The following LBR variants were observed in gnomAD, a reference collection of about 807,000 sequenced individuals.
LBR encodes lamin B receptor, also known as delta(14)-sterol reductase LBR.
In LBR, 28 loss-of-function variants were observed where a neutral mutation model predicts 74.3. The observed-to-expected ratio is 0.38, with a 90% CI of 0.28 to 0.52. The LOEUF (loss-of-function observed/expected upper bound fraction) is 0.52, where lower values mean the gene tolerates loss of function less well. Among genes scored for constraint, LBR ranks in the 20% least tolerant of loss-of-function variants. The pLI, the probability that LBR is intolerant of heterozygous loss-of-function variation, is 0.89. For missense variants in LBR, 717 were observed against 760.3 expected (o/e 0.94, Z 0.67); for synonymous variants, 228 against 269.3 (o/e 0.85, Z 1.50).
chr1:225,414,544 G>A (rs1290637362), intron 7 of LBR, among the ~76,000 whole-genome samples: 9 of 152,150 alleles, frequency 5.9e-5, no homozygotes, highest in Admixed American at 3.9e-4. Context: ...GCGAGATGCC[G>A]GACCCACAGG....
intron 8 of LBR, 111 bp from the exon 9 acceptor site, chr1:225,411,551 C>A: frequency 1.3e-6 from 1 of 795,632 alleles, no homozygotes; most frequent in Non-Finnish European, 2.2e-6. Context: ...CTGCAAGACC[C>A]TGAGCAGGGC....
At chr1:225,422,997 A>G (rs1362204207) in intron 2 of LBR, among the ~76,000 whole-genome samples, 1 of 152,236 alleles carries the variant, frequency 6.6e-6, no homozygotes. Flanking sequence ...AGCCGCTCCC[A>G]TAAAGTCTAA....
At position 225,427,981 on chromosome 1, in the gene LBR, A is replaced by T. The variant is rs533606407; in HGVS notation, c.-42T>A. 5.9e-5 allele frequency: 9 copies of T among 152,154 alleles called. No homozygotes were observed. In the East Asian group the frequency reaches 9.7e-4, roughly 16 times the overall value. The allele number at this position is 152,154 out of a possible 1,614,324, so 9.4% of individuals were successfully genotyped here. ...GCGCCAGGTTCCGGCGGTGACACGG[A>T]CGGCTCCCGGAGAATAGTCGCACAG... On this transcript the variant is annotated 5_prime_UTR_variant, in exon 1 of 14. Transcript: ENST00000272163.
rs2096139051 is a variant in LBR at position 225,426,320 on chromosome 1, C to A, written c.-15+1634G>T. Among the ~76,000 whole-genome samples, 6 of 152,338 alleles carry A rather than the reference C, an allele frequency of 3.9e-5. No individual in the cohort carries two copies. The South Asian group carries it at 1.2e-3, about 32-fold the overall frequency. On this transcript the variant is annotated intron_variant, in intron 1 of 13. Transcript: ENST00000272163. ...GCCAGGATGGCACACAAAAGCCCCA[C>A]ATTTGTTCGTGTCACTCACTATGCA...
intron 7 of LBR, 78 bp downstream of exon 7, chr1:225,415,200 C>T: frequency 1.1e-6 from 1 of 949,750 alleles, no homozygotes. Context: ...CTGGTCTAAT[C>T]AGCTTTAACA....
At chr1:225,410,541 C>T in intron 9 of LBR, 125 bp from the exon 10 acceptor site, 2 of 953,334 alleles carry the variant, frequency 2.1e-6, no homozygotes, top group Non-Finnish European at 3.3e-6. Flanking sequence ...CTACCCGCCA[C>T]CAGGAATAAG....
At chr1:225,416,207 A>C (rs557609888) in intron 6 of LBR, among the ~76,000 whole-genome samples, 1 of 149,008 alleles carries the variant, frequency 6.7e-6, no homozygotes, top group Admixed American at 6.7e-5. Flanking sequence ...AAGAAAAAAA[A>C]AAAAAAAGAG....
At chr1:225,407,118 C>T (rs1039545574) in intron 10 of LBR, among the ~76,000 whole-genome samples, 2 of 152,118 alleles carry the variant, frequency 1.3e-5, no homozygotes, top group South Asian at 4.1e-4. Context: ...AACCCCTCCT[C>T]CAACCTCCAC....
intron 8 of LBR, among the ~76,000 whole-genome samples, chr1:225,412,103 C>T (rs1002859836): frequency 3.3e-5 from 5 of 152,226 alleles, no homozygotes; most frequent in African/African-American, 1.2e-4. Context: ...AGCCACCTCA[C>T]CCGGCCAGTA....
chr1:225,412,482 G>A lies in LBR; in HGVS notation c.1056C>T (p.Pro352=). 6.2e-7 allele frequency: 1 copy of A among 1,613,994 alleles called. No homozygotes were observed. The highest frequency in any genetic ancestry group is 8.5e-7 in the Non-Finnish European group (1 of 1,180,010). Residue 352 remains proline (P), a synonymous_variant, in exon 8 of 14, where the codon CCC becomes CCT. Transcript: ENST00000272163. ...VYLYMRSLKA[P]RNDLSPASSG... The stretch of plus-strand genomic sequence containing the variant: ...AGCTGGCAGGCGACAGGTCATTCCG[G>A]GGCGCTTTCAAAGAGCGCATGTAGA...
Position 225,410,390 on chromosome 1 carries a change from C to T in LBR, c.1215G>A (p.Leu405=), listed in dbSNP as rs1266344402. 1 of 1,613,988 alleles carries T rather than the reference C, an allele frequency of 6.2e-7. No individual in the cohort carries two copies. Among genetic ancestry groups the T allele is most frequent in the African/African-American group, 1.3e-5 (1 of 74,908 alleles). ...CGCGGTCCTGTATTTTCATTTCAGC[C>T]AAAAGCATCACCAAGTTAATAACCA... ...GWVVINLVML[L]AEMKIQDRAV... is the part of the protein sequence containing the mutation. Residue 405 remains leucine, a synonymous_variant, in exon 10 of 14, where the codon TTG becomes TTA. Coordinates refer to ENST00000272163, the MANE Select transcript of LBR (RefSeq NM_002296.4).
intron 3 of LBR, 152 bp from the exon 4 acceptor site, chr1:225,419,950 T>G (rs2096124567): frequency 1.5e-6 from 1 of 659,420 alleles, no homozygotes; most frequent in East Asian, 2.6e-5. Context: ...TTGTTAAAAA[T>G]GAAAAGGAAT....
At chr1:225,426,007 A>G (rs888937449) in intron 1 of LBR, among the ~76,000 whole-genome samples, 2 of 152,256 alleles carry the variant, frequency 1.3e-5, no homozygotes, top group Admixed American at 6.5e-5. Context: ...CCAGTGCCAA[A>G]AAGATTCTTA....
At chr1:225,422,762 T>C (rs930195309) in intron 2 of LBR, among the ~76,000 whole-genome samples, 52 of 152,230 alleles carry the variant, frequency 3.4e-4, no homozygotes, top group Non-Finnish European at 1.6e-4. Flanking sequence ...AATCTCCTTA[T>C]GTTGCTTCTA....
Position 225,422,181 on chromosome 1 carries a change from C to T in LBR, c.262G>A (p.Gly88Ser), listed in dbSNP as rs754965227. 23 of 1,613,206 alleles carry T rather than the reference C, an allele frequency of 1.4e-5. No individual in the cohort carries two copies. The highest frequency in any genetic ancestry group is 1.8e-5 in the Non-Finnish European group (21 of 1,179,444). ...CGGCGGGCACTTTTAGGTGGTCGAC[C>T]AGGGGATCGGGAGCGTGACCTTGAT... ...SRSRSRSRSPGRPPKSARRSA... is the reference protein window; with the variant it reads ...SRSRSRSRSPSRPPKSARRSA... Residue 88 changes from glycine (G) to serine (S), a missense_variant, in exon 3 of 14, where the codon GGT (glycine) becomes AGT (serine). Gly to Ser is a moderately conservative substitution (Grantham distance 56, BLOSUM62 0). Coordinates refer to ENST00000272163, the MANE Select transcript of LBR (RefSeq NM_002296.4).
chr1:225,406,590 T>C (rs2096092132), intron 11 of LBR, 74 bp downstream of exon 11: 1 of 1,310,884 alleles, frequency 7.6e-7, no homozygotes, highest in Non-Finnish European at 1.1e-6. Flanking sequence ...GTTTCAAGTA[T>C]GTAGACAGCA....
chr1:225,417,846 C>A, intron 6 of LBR, 138 bp downstream of exon 6: 1 of 754,574 alleles, frequency 1.3e-6, no homozygotes, highest in South Asian at 1.6e-5. Flanking sequence ...GGCTGGGCAG[C>A]ATGGCACAGG....
intron 6 of LBR, among the ~76,000 whole-genome samples, chr1:225,417,044 CAT>C (rs2096118599): frequency 6.6e-6 from 1 of 152,034 alleles, no homozygotes; most frequent in Non-Finnish European, 1.5e-5. Context: ...TGAGTATATA[CAT>C]ATATGACTTT....
rs1216919478 is a variant in LBR, at chr1:225,403,026, C to T, written c.*277G>A. The T allele has an allele frequency of 4.6e-6, 2 of 430,750 alleles. No individual in the cohort carries two copies. The highest frequency in any genetic ancestry group is 4.6e-5 in the East Asian group (1 of 21,904). The allele number at this position is 430,750 out of a possible 1,614,324, so 26.7% of individuals were successfully genotyped here. The stretch of plus-strand genomic sequence containing the variant: ...TCTTCACAGTACATTTATATTAAGA[C>T]TGTCTTCTGTTTTCAGATTAAGGGT... On this transcript the variant is annotated 3_prime_UTR_variant, in exon 14 of 14. Coordinates refer to ENST00000272163, the MANE Select transcript of LBR (RefSeq NM_002296.4).
Sources: gnomAD v4.1 joint callset for allele counts (sites outside exome capture counted in the v4.1 genomes callset) on GRCh38, gnomAD v4.1.1 for gene constraint, MANE v1.5 for transcripts, NCBI Gene and HGNC (gene_info 2026-07-23, HGNC 2026-07-21) for gene names.